The following BBOF1 variants were observed in gnomAD, a reference collection of about 807,000 sequenced individuals.
BBOF1 encodes basal body orientation factor 1, also known as basal body-orientation factor 1.
A neutral mutation model predicts 68.0 loss-of-function variants in BBOF1; 62 were observed. The observed-to-expected ratio is 0.91, with a 90% CI of 0.74 to 1.13. The LOEUF (loss-of-function observed/expected upper bound fraction) is 1.13, where lower values mean the gene tolerates loss of function less well. Among genes scored for constraint, BBOF1 ranks in the 50% most tolerant of loss-of-function variants. BBOF1 has a pLI of 0.00. For synonymous variants in BBOF1, 208 were observed against 198.8 expected (o/e 1.05, Z -0.39); for missense variants, 534 against 600.1 (o/e 0.89, Z 1.15).
intron 11 of BBOF1, among the ~76,000 whole-genome samples, chr14:74,062,493 C>T (rs903616821): frequency 2.0e-5 from 3 of 151,812 alleles, no homozygotes; most frequent in Admixed American, 2.0e-4. Context: ...CCCAGCTACT[C>T]GGGAGGCATA....
downstream of BBOF1, chr14:74,069,030 C>A: frequency 6.3e-7 from 1 of 1,581,112 alleles, no homozygotes; most frequent in Non-Finnish European, 8.6e-7. Context: ...AATGGATTCT[C>A]AACATGGCAA....
chr14:74,054,170 G>A (rs563636580), intron 8 of BBOF1, among the ~76,000 whole-genome samples: 77 of 151,674 alleles, frequency 5.1e-4, no homozygotes, highest in African/African-American at 1.8e-3. Context: ...ACCACTGCGC[G>A]CAGCCTAATT....
At chr14:74,059,140 A>T (rs1489327375) in intron 11 of BBOF1, 1 of 198,014 alleles carries the variant, frequency 5.1e-6, no homozygotes. Context: ...GCAGAAGAAG[A>T]CTGTCAAAGC....
At chr14:74,020,798 C>G (rs1372187458) in intron 1 of BBOF1, among the ~76,000 whole-genome samples, 1 of 152,174 alleles carries the variant, frequency 6.6e-6, no homozygotes, top group Non-Finnish European at 1.5e-5. Flanking sequence ...GCCACCATGC[C>G]CTGTCGCATC....
chr14:74,069,413 G>A (rs933617923), downstream of BBOF1, among the ~76,000 whole-genome samples: 1 of 151,586 alleles, frequency 6.6e-6, no homozygotes, highest in African/African-American at 2.4e-5. Context: ...GTGTTTTTCT[G>A]TACTGGATTC....
chr14:74,080,727 G>A lies in BBOF1; in HGVS notation n.1537-340G>A, dbSNP rs543935756. On this transcript the variant is annotated intron_variant and non_coding_transcript_variant, in intron 10 of 12. Transcript: ENST00000492026. ...CAAAGTGTTGGGATTACAGGCATGAGCCATCACACCCAGCCTACTCTTAAA... is the reference window on the plus strand; with the variant it reads ...CAAAGTGTTGGGATTACAGGCATGAACCATCACACCCAGCCTACTCTTAAA... Among the ~76,000 whole-genome samples the A allele has an allele frequency of 4.6e-5, 7 of 152,276 alleles. No homozygotes were observed. In the South Asian group the frequency reaches 1.2e-3, roughly 27 times the overall value.
At chr14:74,070,815 C>A, downstream of BBOF1, 1 of 224,062 alleles carries the variant, frequency 4.5e-6, no homozygotes, top group South Asian at 7.0e-5. Flanking sequence ...AACACAGAAG[C>A]ACTATTTAAG....
intron 4 of BBOF1, among the ~76,000 whole-genome samples, chr14:74,036,541 G>A (rs994208944): frequency 1.3e-5 from 2 of 151,882 alleles, no homozygotes; most frequent in African/African-American, 4.8e-5. Flanking sequence ...AAAATTAGTC[G>A]GGCATGGTGG....
chr14:74,022,004 AC>A (rs1379770318), intron 1 of BBOF1, among the ~76,000 whole-genome samples: 6 of 152,158 alleles, frequency 3.9e-5, no homozygotes, highest in African/African-American at 1.4e-4. Context: ...CAGAAACTGA[AC>A]AGAGATAATG....
chr14:74,026,211 G>A (rs1355826803), intron 2 of BBOF1, among the ~76,000 whole-genome samples: 9 of 151,136 alleles, frequency 6.0e-5, no homozygotes, highest in Non-Finnish European at 8.8e-5. Context: ...GGGAGTCCAA[G>A]GCGGGTGGAT....
intron 9 of BBOF1, chr14:74,072,588 A>G: frequency 6.2e-7 from 1 of 1,613,936 alleles, no homozygotes; most frequent in Non-Finnish European, 8.5e-7. Flanking sequence ...CGAATTTCCC[A>G]CCAATGAAGA....
intron 9 of BBOF1, chr14:74,071,368 T>C (rs1180663090): frequency 3.1e-6 from 5 of 1,613,770 alleles, no homozygotes; most frequent in South Asian, 2.2e-5. Context: ...GGCAGGAAAA[T>C]TGAATGGAGC....
intron 4 of BBOF1, among the ~76,000 whole-genome samples, chr14:74,035,037 T>C (rs948647948): frequency 6.6e-6 from 1 of 152,100 alleles, no homozygotes; most frequent in Non-Finnish European, 1.5e-5. Context: ...GGCTGCAGTA[T>C]GCTGTGATTG....
chr14:74,047,858 A>G (rs1403958333), intron 6 of BBOF1, 72 bp from the exon 7 acceptor site: 102 of 1,380,232 alleles, frequency 7.4e-5, no homozygotes, highest in Non-Finnish European at 9.7e-5. Context: ...GCAGGTGGTG[A>G]AGCAATCATT....
chr14:74,041,683 G>A (rs147497909), intron 5 of BBOF1, among the ~76,000 whole-genome samples: 3 of 152,206 alleles, frequency 2.0e-5, no homozygotes, highest in African/African-American at 7.2e-5. Context: ...AGCCTCCTAA[G>A]TAGTTGGGGC....
At chr14:74,063,190 CTT>C (rs370230173) in intron 11 of BBOF1, among the ~76,000 whole-genome samples, 28 of 144,904 alleles carry the variant, frequency 1.9e-4, no homozygotes, top group Admixed American at 9.0e-4. Flanking sequence ...AATAATTCTT[CTT>C]TTTTTTTTTT....
intron 7 of BBOF1, among the ~76,000 whole-genome samples, chr14:74,049,433 A>T (rs1347681109): frequency 6.6e-6 from 1 of 151,962 alleles, no homozygotes; most frequent in African/African-American, 2.4e-5. Flanking sequence ...TGGCTGAGGC[A>T]GGCAGATCAC....
At chr14:74,044,918 C>T (rs1266113054) in intron 5 of BBOF1, among the ~76,000 whole-genome samples, 2 of 152,110 alleles carry the variant, frequency 1.3e-5, no homozygotes, top group African/African-American at 4.8e-5. Flanking sequence ...GAGGGATACT[C>T]CCAGAGATGG....
rs560333357 is a variant in BBOF1 at position 74,023,609 on chromosome 14, A to G, written c.285+465A>G. On this transcript the variant is annotated intron_variant, in intron 2 of 11. Coordinates refer to ENST00000394009, the MANE Select transcript of BBOF1 (RefSeq NM_025057.3). ...TTAAAGTGTTGAGAGTAAAGCTATC[A>G]TTTTATATTTGGAAGAAAAAAGGAG... 5.9e-5 allele frequency among the ~76,000 whole-genome samples: 9 copies of G among 152,254 alleles called. No homozygotes were observed. The South Asian group carries it at 1.9e-3, about 32-fold the overall frequency.
Sources: allele counts gnomAD v4.1 joint callset (sites outside exome capture counted in the v4.1 genomes callset), GRCh38; gene constraint gnomAD v4.1.1; transcripts MANE v1.5; gene names NCBI Gene and HGNC (gene_info 2026-07-23, HGNC 2026-07-21).